MYO9B: variants seen among roughly 807,000 people sequenced by gnomAD.
MYO9B encodes the protein unconventional myosin-IXb.
A neutral mutation model predicts 229.5 loss-of-function variants in MYO9B; 71 were observed. That is an observed-to-expected ratio of 0.31 (90% CI 0.26 to 0.38). MYO9B has a LOEUF of 0.38. Ranked by LOEUF, MYO9B falls within the 10% of genes least tolerant of loss-of-function variation. MYO9B has a pLI of 1.00. For missense variants in MYO9B, 2,255 were observed against 2,920.5 expected, an observed-to-expected ratio of 0.77 and a Z score of 5.25; for synonymous variants, 1,185 against 1,235.8, an observed-to-expected ratio of 0.96 and a Z score of 0.86.
intron 14 of MYO9B, 69 bp downstream of exon 14, chr19:17,175,810 G>T: frequency 1.8e-6 from 2 of 1,096,412 alleles, no homozygotes; most frequent in Non-Finnish European, 2.6e-6. Context: ...AAACAACTTA[G>T]GGAATGCTAC....
chr19:17,180,469 C>T (rs915122835), intron 14 of MYO9B, among the ~76,000 whole-genome samples: 1 of 150,700 alleles, frequency 6.6e-6, no homozygotes, highest in Non-Finnish European at 1.5e-5. Flanking sequence ...TCTGCCTCAG[C>T]CTCCCACGTA....
At chr19:17,185,779 T>C in intron 17 of MYO9B, 142 bp from the exon 18 acceptor site, 3 of 627,418 alleles carry the variant, frequency 4.8e-6, no homozygotes, top group Non-Finnish European at 5.7e-6. Context: ...TGGAACCTCC[T>C]GTGTCCCACC....
At chr19:17,132,216 T>A (rs1246630969) in intron 2 of MYO9B, among the ~76,000 whole-genome samples, 1 of 141,752 alleles carries the variant, frequency 7.1e-6, no homozygotes, top group Non-Finnish European at 1.5e-5. Context: ...GACAGAGTCT[T>A]GCTCTGTCAC....
At position 17,187,986 on chromosome 19, in the gene MYO9B, G is replaced by A. The variant is rs770823429; in HGVS notation, c.2629G>A (p.Gly877Ser). The A allele has an allele frequency of 5.6e-6, 9 of 1,602,110 alleles. No individual in the cohort carries two copies. The highest frequency in any genetic ancestry group is 3.4e-5 in the Admixed American group (2 of 58,358). ...ELVLQQLRYTGMLETVRIRRS... is the reference protein window; with the variant it reads ...ELVLQQLRYTSMLETVRIRRS... ...GGTCCTGCAGCAGCTGCGCTACACC[G>A]GCATGCTGGAGACCGTGCGCATCCG... is the stretch of plus-strand genomic sequence containing the variant. The change falls in exon 19 of 40, where the codon GGC (glycine) becomes AGC (serine). Residue 877 changes from glycine (G) to serine (S), a missense_variant. Gly to Ser is a moderately conservative substitution (Grantham distance 56). Around this residue, in one of 7 missense-constraint regions of MYO9B, gnomAD observed 68 missense variants for 133.5 expected, o/e 0.51. Transcript: ENST00000682292.
intron 2 of MYO9B, among the ~76,000 whole-genome samples, chr19:17,127,765 C>G (rs2072143234): frequency 6.6e-6 from 1 of 152,216 alleles, no homozygotes; most frequent in Non-Finnish European, 1.5e-5. Context: ...CACACCCATG[C>G]CCCTACCTGT....
chr19:17,207,254 C>A lies in MYO9B; in HGVS notation c.5624+10C>A. ...TCCTCAAGATCACCACGTGAGTGCC[C>A]ACCCTGCCCCGGAGGCATGCTCAGG... is the stretch of plus-strand genomic sequence containing the variant. On this transcript the variant is annotated intron_variant, in intron 35 of 39. Coordinates refer to ENST00000682292, the MANE Select transcript of MYO9B (RefSeq NM_004145.4). The A allele has an allele frequency of 1.3e-6, 2 of 1,590,052 alleles. No homozygotes were observed. Among genetic ancestry groups the A allele is most frequent in the East Asian group, 2.3e-5 (1 of 43,646 alleles).
rs186141236 is a variant in MYO9B at position 17,120,999 on chromosome 19, A to G, written c.840+18442A>G. Among the ~76,000 whole-genome samples the G allele has an allele frequency of 1.7e-3, 262 of 152,196 alleles. 3 individuals are homozygous for G. In the East Asian group the frequency reaches 0.027, roughly 16 times the overall value. On this transcript the variant is annotated intron_variant, in intron 2 of 39. Coordinates refer to ENST00000682292, the MANE Select transcript of MYO9B (RefSeq NM_004145.4). Reference sequence around the variant, plus strand: ...GCTCTATCGCCCAGGCTGGAGTGCAATGGTGTGATCTCAACTCACTGCAAC... The same window carrying G: ...GCTCTATCGCCCAGGCTGGAGTGCAGTGGTGTGATCTCAACTCACTGCAAC...
intron 1 of MYO9B, among the ~76,000 whole-genome samples, chr19:17,090,368 C>G (rs1252834120): frequency 6.6e-6 from 1 of 152,034 alleles, no homozygotes; most frequent in Non-Finnish European, 1.5e-5. Flanking sequence ...CGAGGCTGGT[C>G]TTGAACTCAT....
At chr19:17,206,871 C>T (rs1218565936) in intron 34 of MYO9B, 87 bp downstream of exon 34, 21 of 1,322,662 alleles carry the variant, frequency 1.6e-5, no homozygotes, top group Admixed American at 1.2e-4. Context: ...CCCGAGCTGG[C>T]GTTCTGTGGT....
chr19:17,076,108 G>T (rs2057480425), intron 1 of MYO9B, among the ~76,000 whole-genome samples: 1 of 151,508 alleles, frequency 6.6e-6, no homozygotes, highest in African/African-American at 2.4e-5. Flanking sequence ...CGTGGGGGGG[G>T]TGAGTCTTGT....
At chr19:17,204,922 T>C (rs995191954) in intron 30 of MYO9B, among the ~76,000 whole-genome samples, 1 of 151,818 alleles carries the variant, frequency 6.6e-6, no homozygotes, top group Non-Finnish European at 1.5e-5. Flanking sequence ...GAGGCCGAGG[T>C]GGGCAGATCA....
intron 14 of MYO9B, chr19:17,177,954 G>C (rs775291370): frequency 6.6e-6 from 1 of 152,452 alleles, no homozygotes; most frequent in Non-Finnish European, 1.5e-5. Context: ...TTCCCCAGGT[G>C]CTCAGTGCTG....
chr19:17,124,941 T>C (rs1339063477), intron 2 of MYO9B, among the ~76,000 whole-genome samples: 1 of 151,974 alleles, frequency 6.6e-6, no homozygotes, highest in Non-Finnish European at 1.5e-5. Context: ...AATGAATTCA[T>C]GTCCTATCTC....
intron 14 of MYO9B, 23 bp from the exon 15 acceptor site, chr19:17,180,904 G>A (rs1054224175): frequency 6.0e-6 from 9 of 1,511,266 alleles, no homozygotes; most frequent in East Asian, 2.3e-5. Context: ...CTGTCACTGC[G>A]CCCCCTCCAC....
At chr19:17,078,832 T>G (rs771321852) in intron 1 of MYO9B, among the ~76,000 whole-genome samples, 6 of 152,112 alleles carry the variant, frequency 3.9e-5, no homozygotes, top group Non-Finnish European at 8.8e-5. Flanking sequence ...AGTGCGAGGG[T>G]CCTTGTTCTT....
At chr19:17,188,208 C>T (rs931238522) in intron 19 of MYO9B, among the ~76,000 whole-genome samples, 163 bp downstream of exon 19, 9 of 152,014 alleles carry the variant, frequency 5.9e-5, no homozygotes, top group Admixed American at 5.3e-4. Flanking sequence ...GCAGGCGGAT[C>T]ACCTGAGGTC....
intron 13 of MYO9B, among the ~76,000 whole-genome samples, chr19:17,174,337 C>A (rs1426102600): frequency 1.3e-5 from 2 of 152,052 alleles, no homozygotes; most frequent in Non-Finnish European, 2.9e-5. Flanking sequence ...GGCCAATGAG[C>A]TGCTTTTTAA....
At chr19:17,112,601 GA>G (rs1400909675) in intron 2 of MYO9B, among the ~76,000 whole-genome samples, 1 of 152,214 alleles carries the variant, frequency 6.6e-6, no homozygotes, top group Non-Finnish European at 1.5e-5. Flanking sequence ...GGGAGGAGGA[GA>G]GGGGGTCAGA....
rs775198461 is a variant in MYO9B at position 17,210,367 on chromosome 19, A to G, written c.5783A>G (p.Tyr1928Cys). The change falls in exon 37 of 40, where the codon TAT (tyrosine) becomes TGT (cysteine). Residue 1928 changes from tyrosine to cysteine, a missense_variant. Physicochemically the swap from Tyr to Cys is radical, Grantham distance 194 (BLOSUM62 -2). Coordinates refer to ENST00000682292, the MANE Select transcript of MYO9B (RefSeq NM_004145.4). ...CTCAAACTGGGGTTTTCGTCTCCCT[A>G]TGAGGGGGTCCTGGTATGTACGCGT... ...WPLKLGFSSP[Y>C]EGVLNKSPKT... 5.0e-6 allele frequency: 8 copies of G among 1,597,864 alleles called. No individual in the cohort carries two copies. The highest frequency in any genetic ancestry group is 1.3e-5 in the African/African-American group (1 of 74,506).
Sources: allele counts gnomAD v4.1 joint callset (sites outside exome capture counted in the v4.1 genomes callset), GRCh38; gene constraint gnomAD v4.1.1; regional missense constraint gnomAD v4.1.1; transcripts MANE v1.5; gene names NCBI Gene and HGNC (gene_info 2026-07-23, HGNC 2026-07-21).